TMEM108: variants seen among roughly 807,000 people sequenced by gnomAD.
TMEM108 encodes the protein transmembrane protein 108, also known as cancer/testis antigen 124.
In TMEM108, 12 loss-of-function variants were observed where a neutral mutation model predicts 35.1. The observed-to-expected ratio is 0.34, with a 90% CI of 0.22 to 0.55. The LOEUF is 0.55. TMEM108 is among the 20% of genes least tolerant of loss of function. TMEM108 has a pLI of 0.89. For synonymous variants in TMEM108, 287 were observed against 308.6 expected, an observed-to-expected ratio of 0.93 and a Z score of 0.73; for missense variants, 680 against 753.3, an observed-to-expected ratio of 0.90 and a Z score of 1.14.
chr3:133,204,513 T>C (rs1249905528), intron 2 of TMEM108, among the ~76,000 whole-genome samples: 1 of 152,226 alleles, frequency 6.6e-6, no homozygotes, highest in African/African-American at 2.4e-5. Flanking sequence ...TTTGTTCTCA[T>C]TGGTTTCAAA....
At chr3:133,311,540 G>A (rs1244324936) in intron 3 of TMEM108, among the ~76,000 whole-genome samples, 8 of 152,072 alleles carry the variant, frequency 5.3e-5, no homozygotes, top group African/African-American at 4.8e-5. Context: ...CAAAGTTCTC[G>A]TGCCATGGTT....
intron 3 of TMEM108, among the ~76,000 whole-genome samples, chr3:133,238,108 C>A (rs1946264588): frequency 6.9e-6 from 1 of 144,998 alleles, no homozygotes; most frequent in Non-Finnish European, 1.6e-5. Flanking sequence ...CTTTCATATC[C>A]CTCCTCCCTC....
intron 2 of TMEM108, among the ~76,000 whole-genome samples, chr3:133,115,197 G>A (rs1944271837): frequency 1.3e-5 from 2 of 152,186 alleles, no homozygotes; most frequent in South Asian, 4.1e-4. Flanking sequence ...GTGTTCATAT[G>A]CTGTTGTATA....
chr3:133,258,530 C>T (rs1036305129), intron 3 of TMEM108, among the ~76,000 whole-genome samples: 24 of 152,190 alleles, frequency 1.6e-4, no homozygotes, highest in African/African-American at 5.8e-4. Flanking sequence ...TTGTGTCTCA[C>T]ATCCTTATCT....
chr3:133,155,679 C>G (rs1944870741), intron 2 of TMEM108, among the ~76,000 whole-genome samples: 1 of 152,120 alleles, frequency 6.6e-6, no homozygotes, highest in Admixed American at 6.6e-5. Flanking sequence ...TGTTCATATC[C>G]TTTGCCTGCT....
chr3:133,219,543 G>C (rs1046511678), intron 2 of TMEM108, among the ~76,000 whole-genome samples: 1 of 151,926 alleles, frequency 6.6e-6, no homozygotes, highest in Non-Finnish European at 1.5e-5. Flanking sequence ...TGTAGTATGT[G>C]CTTATTTTCA....
chr3:133,316,599 A>G (rs2107715343), intron 3 of TMEM108, among the ~76,000 whole-genome samples: 1 of 152,366 alleles, frequency 6.6e-6, no homozygotes, highest in South Asian at 2.1e-4. Flanking sequence ...AAAGATTTAA[A>G]AACACATATA....
chr3:133,057,352 A>G (rs546000117), intron 2 of TMEM108, among the ~76,000 whole-genome samples: 21 of 102,318 alleles, frequency 2.1e-4, no homozygotes, highest in Non-Finnish European at 1.4e-4. Context: ...TTTCTACTCA[A>G]AGTAAGAATA....
intron 3 of TMEM108, among the ~76,000 whole-genome samples, chr3:133,302,415 C>CTTTTTTTTTTTTTTTTTTTTTTTT (rs927704510): frequency 9.1e-6 from 1 of 110,102 alleles, no homozygotes; most frequent in African/African-American, 3.5e-5. Context: ...TTCTTTCTTT[C>CTTTTTTTTTTTTTTTTTTTTTTTT]TTTTTTTTTT....
At chr3:133,392,101 A>G (rs1246502507) in intron 5 of TMEM108, among the ~76,000 whole-genome samples, 3 of 137,666 alleles carry the variant, frequency 2.2e-5, no homozygotes, top group Non-Finnish European at 3.2e-5. Context: ...ACCTCTATTC[A>G]CTGGAGCGCC....
intron 2 of TMEM108, among the ~76,000 whole-genome samples, chr3:133,151,901 G>A (rs1301097046): frequency 6.6e-6 from 1 of 152,126 alleles, no homozygotes; most frequent in Non-Finnish European, 1.5e-5. Context: ...CTCTTTCTAT[G>A]GCAGAATAGA....
chr3:133,187,875 G>T (rs528389739), intron 2 of TMEM108, among the ~76,000 whole-genome samples: 3 of 83,646 alleles, frequency 3.6e-5, no homozygotes, highest in African/African-American at 4.9e-5. Context: ...TCAGAGTAAC[G>T]GTTGCTGCAA....
chr3:133,191,264 T>A (rs1945493717), intron 2 of TMEM108, among the ~76,000 whole-genome samples: 1 of 152,040 alleles, frequency 6.6e-6, no homozygotes, highest in South Asian at 2.1e-4. Flanking sequence ...AAAATCACAG[T>A]CCCCTCCAGA....
intron 2 of TMEM108, among the ~76,000 whole-genome samples, chr3:133,065,577 T>C (rs1943597198): frequency 6.6e-6 from 1 of 152,194 alleles, no homozygotes; most frequent in Non-Finnish European, 1.5e-5. Context: ...ATTTTCTAAT[T>C]AAGAACATCT....
At chr3:133,052,975 G>C (rs1943424793) in intron 2 of TMEM108, among the ~76,000 whole-genome samples, 1 of 152,126 alleles carries the variant, frequency 6.6e-6, no homozygotes, top group Non-Finnish European at 1.5e-5. Flanking sequence ...TGGGGAGAGG[G>C]AGGAGTAATT....
chr3:133,044,015 G>C (rs1011204050), intron 1 of TMEM108, among the ~76,000 whole-genome samples: 3 of 152,142 alleles, frequency 2.0e-5, no homozygotes, highest in Non-Finnish European at 2.9e-5. Context: ...TTTGTGTCCT[G>C]TGACACCTTG....
chr3:133,379,613 T>C, intron 3 of TMEM108, 139 bp from the exon 4 acceptor site: 1 of 811,472 alleles, frequency 1.2e-6, no homozygotes, highest in Non-Finnish European at 2.0e-6. Flanking sequence ...TGGTTCAGTG[T>C]AGGAGCACTA....
chr3:133,311,733 C>T (rs1031200555), intron 3 of TMEM108, among the ~76,000 whole-genome samples: 8 of 152,216 alleles, frequency 5.3e-5, no homozygotes, highest in South Asian at 2.1e-4. Context: ...AGTCATTCTC[C>T]GTCCAGCTTT....
chr3:133,293,112 A>G, intron 3 of TMEM108, among the ~76,000 whole-genome samples: 1 of 152,284 alleles, frequency 6.6e-6, no homozygotes, highest in East Asian at 1.9e-4. Context: ...CTGAGACACA[A>G]AGAGGAATTA....
Sources: allele counts gnomAD v4.1 joint callset (sites outside exome capture counted in the v4.1 genomes callset), GRCh38; gene constraint gnomAD v4.1.1; transcripts MANE v1.5; gene names NCBI Gene and HGNC (gene_info 2026-07-23, HGNC 2026-07-21).